RPL28: variants seen among roughly 807,000 people sequenced by gnomAD.
RPL28 encodes ribosomal protein L28.
A neutral mutation model predicts 12.5 loss-of-function variants in RPL28; 4 were observed. The observed-to-expected ratio is 0.32, with a 90% CI of 0.16 to 0.73. The LOEUF (loss-of-function observed/expected upper bound fraction) is 0.73. RPL28 is among the 30% of genes least tolerant of loss of function. The probability of loss-of-function intolerance (pLI) is 0.66; values close to 1 mark genes in which losing one functional copy is unlikely to be tolerated. For missense variants in RPL28, 214 were observed against 197.7 expected (o/e 1.08, Z -0.49); for synonymous variants, 91 against 72.5 (o/e 1.26, Z -1.30).
chr19:55,386,468 C>A, intron 2 of RPL28, 30 bp downstream of exon 2: 1 of 1,610,870 alleles, frequency 6.2e-7, no homozygotes, highest in South Asian at 1.1e-5. Flanking sequence ...GTGGCTCCTG[C>A]GGGAGGAGGG....
rs1455978833 is a variant in RPL28, at chr19:55,391,568, T to C, written c.*3236T>C. ...TCTGTTCACAGGACATGCTGGCATC[T>C]ACTGGGTCAGGGCTCTGCTGCTCGG... is the stretch of plus-strand genomic sequence containing the variant. On this transcript the variant is annotated 3_prime_UTR_variant, in exon 5 of 5. Coordinates refer to ENST00000344063, the MANE Select transcript of RPL28 (RefSeq NM_000991.5). 3 of 1,539,908 alleles carry C rather than the reference T, an allele frequency of 1.9e-6. No homozygotes were observed. The East Asian group carries it at 7.4e-5, about 38-fold the overall frequency.
chr19:55,388,464 T>A lies in RPL28; in HGVS notation c.*132T>A, dbSNP rs2089958204. The A allele has an allele frequency of 7.4e-7, 1 of 1,347,312 alleles. No individual in the cohort carries two copies. The highest frequency in any genetic ancestry group is 9.6e-7 in the Non-Finnish European group (1 of 1,044,242). The allele number at this position is 1,347,312 out of a possible 1,614,324, so 83.5% of individuals were successfully genotyped here. On this transcript the variant is annotated 3_prime_UTR_variant, in exon 5 of 5. Transcript: ENST00000344063. The stretch of plus-strand genomic sequence containing the variant: ...CAGGCCATGTCATCAAAACTCTGCA[T>A]GTCACCTTGTCCATCTGGAGGTGAT...
intron 4 of RPL28, chr19:55,400,128 C>T (rs966946473): frequency 6.6e-6 from 1 of 152,184 alleles, no homozygotes; most frequent in Non-Finnish European, 1.5e-5. Context: ...TCTTTCAGGA[C>T]AAAAGCAGCC....
rs928722638 is a variant in RPL28, at chr19:55,387,180, G to A, written c.205+487G>A. On this transcript the variant is annotated intron_variant, in intron 3 of 4. Transcript: ENST00000344063. Reference sequence around the variant, plus strand: ...CACTCCATACATTGTGCTGTCAGGTGCAGGCCTTTTTGGGGATTCCCTGAA... The same window carrying A: ...CACTCCATACATTGTGCTGTCAGGTACAGGCCTTTTTGGGGATTCCCTGAA... 6.0e-6 allele frequency: 8 copies of A among 1,327,858 alleles called. No homozygotes were observed. In the African/African-American group the frequency reaches 1.2e-4, roughly 19 times the overall value. 82.3% of individuals were successfully genotyped at this position (1,327,858 alleles called of 1,614,324 possible).
intron 3 of RPL28, chr19:55,387,392 G>A: frequency 6.4e-7 from 1 of 1,550,528 alleles, no homozygotes; most frequent in Non-Finnish European, 8.7e-7. Context: ...TCCTGTCTCA[G>A]GGACACGTAG....
downstream of RPL28, among the ~76,000 whole-genome samples, chr19:55,394,820 G>A (rs1201004551): frequency 6.6e-6 from 1 of 152,078 alleles, no homozygotes; most frequent in Non-Finnish European, 1.5e-5. Flanking sequence ...TCCTCCCAAA[G>A]TGCTGGGATT....
chr19:55,388,986 C>T lies in RPL28; in HGVS notation c.*654C>T, dbSNP rs1463446828. Reference sequence around the variant, plus strand: ...CCCCTACTCCCGTCCTCCAGGTGTCCCCATCCCTCCCCTGTCTCTTTGAGC... The same window carrying T: ...CCCCTACTCCCGTCCTCCAGGTGTCTCCATCCCTCCCCTGTCTCTTTGAGC... On this transcript the variant is annotated 3_prime_UTR_variant, in exon 5 of 5. Transcript: ENST00000344063. The T allele has an allele frequency of 1.0e-6, 1 of 985,360 alleles. No individual in the cohort carries two copies. The highest frequency in any genetic ancestry group is 4.7e-5 in the South Asian group (1 of 21,294). 61.0% of individuals were successfully genotyped at this position (985,360 alleles called of 1,614,324 possible). A position where few individuals can be genotyped will look rare whatever the true frequency, so the allele number is the denominator to read the frequency against.
At chr19:55,386,127 CTCAT>C in intron 1 of RPL28, 162 bp downstream of exon 1, 1 of 564,492 alleles carries the variant, frequency 1.8e-6, no homozygotes, top group East Asian at 2.9e-5. Context: ...TCCCCTCACT[CTCAT>C]TCGCCGCAGC....
chr19:55,388,688 A>G lies in RPL28; in HGVS notation c.*356A>G. 4 of 1,070,176 alleles carry G rather than the reference A, an allele frequency of 3.7e-6. No homozygotes were observed. The highest frequency in any genetic ancestry group is 3.4e-6 in the Non-Finnish European group (3 of 885,386). The allele number at this position is 1,070,176 out of a possible 1,614,324, so 66.3% of individuals were successfully genotyped here. On this transcript the variant is annotated 3_prime_UTR_variant, in exon 5 of 5. Transcript: ENST00000344063. ...GGCCTTTTCTAGCCCAGAAGGGTGC[A>G]GGCTGAGGGCTGGGCCCTGGGCCCT...
At chr19:55,387,528 G>T (rs1386662839) in intron 3 of RPL28, 63 of 1,434,878 alleles carry the variant, frequency 4.4e-5, no homozygotes, top group Non-Finnish European at 4.7e-5. Context: ...CCTGAGTGAG[G>T]CTGGGCCTCT....
At chr19:55,398,688 T>C (rs1330896821) in intron 4 of RPL28, among the ~76,000 whole-genome samples, 1 of 152,174 alleles carries the variant, frequency 6.6e-6, no homozygotes, top group Non-Finnish European at 1.5e-5. Flanking sequence ...ATACATTTTG[T>C]TGCGTGTGTT....
Position 55,390,023 on chromosome 19 carries a change from G to A in RPL28, c.*1691G>A. The A allele has an allele frequency of 1.0e-6, 1 of 985,434 alleles. No individual in the cohort carries two copies. 61.0% of individuals were successfully genotyped at this position (985,434 alleles called of 1,614,324 possible). On this transcript the variant is annotated 3_prime_UTR_variant, in exon 5 of 5. Coordinates refer to ENST00000344063, the MANE Select transcript of RPL28 (RefSeq NM_000991.5). Reference sequence around the variant, plus strand: ...CCCTTCTCGTGAGGCCTCTCCCCTGGCACCTGCTTCAGTTGTCCTCCACAG... The same window carrying A: ...CCCTTCTCGTGAGGCCTCTCCCCTGACACCTGCTTCAGTTGTCCTCCACAG...
chr19:55,392,095 A>G (rs907242761), downstream of RPL28: 1 of 998,134 alleles, frequency 1.0e-6, no homozygotes, highest in Non-Finnish European at 1.2e-6. Flanking sequence ...ATCTTTCATT[A>G]TGAAATATGC....
intron 4 of RPL28, 26 bp from the exon 5 acceptor site, chr19:55,388,217 G>T (rs768620902): frequency 6.6e-7 from 1 of 1,518,848 alleles, no homozygotes; most frequent in Non-Finnish European, 8.8e-7. Flanking sequence ...TATGGGCTGA[G>T]CCTTGCTCTG....
Position 55,389,472 on chromosome 19 carries a change from C to T in RPL28, c.*1140C>T, listed in dbSNP as rs2089968767. The T allele has an allele frequency of 1.0e-6, 1 of 985,474 alleles. No homozygotes were observed. Among genetic ancestry groups the T allele is most frequent in the Non-Finnish European group, 1.2e-6 (1 of 829,954 alleles). 61.0% of individuals were successfully genotyped at this position (985,474 alleles called of 1,614,324 possible). A position where few individuals can be genotyped will look rare whatever the true frequency, so the allele number is the denominator to read the frequency against. ...CCAGCATCCATGGCACCCCTGGTTC[C>T]TGCCATCCTGGGGTACCCGATTCAA... On this transcript the variant is annotated 3_prime_UTR_variant, in exon 5 of 5. Coordinates refer to ENST00000344063, the MANE Select transcript of RPL28 (RefSeq NM_000991.5).
chr19:55,389,150 G>GT lies in RPL28; in HGVS notation c.*821dup. The GT allele has an allele frequency of 1.6e-5, 16 of 984,550 alleles. No individual in the cohort carries two copies. The highest frequency in any genetic ancestry group is 1.9e-5 in the Non-Finnish European group (16 of 829,146). The allele number at this position is 984,550 out of a possible 1,614,324, so 61.0% of individuals were successfully genotyped here. The stretch of plus-strand genomic sequence containing the variant: ...TTTATTACAGCTTGTGAGGCCAGGA[G>GT]TTTGAGACCATCCTAGGCAACATAA... On this transcript the variant is annotated 3_prime_UTR_variant, in exon 5 of 5. Coordinates refer to ENST00000344063, the MANE Select transcript of RPL28 (RefSeq NM_000991.5).
At chr19:55,387,592 A>G in intron 3 of RPL28, 2 of 1,406,176 alleles carry the variant, frequency 1.4e-6, no homozygotes, top group East Asian at 5.3e-5. Context: ...GGTTCCTGGG[A>G]AGCTGTTCAT....
Position 55,389,512 on chromosome 19 carries a change from C to G in RPL28, c.*1180C>G, listed in dbSNP as rs1453846227. The G allele has an allele frequency of 4.1e-6, 4 of 985,362 alleles. No homozygotes were observed. In the African/African-American group the frequency reaches 5.2e-5, roughly 13 times the overall value. The allele number at this position is 985,362 out of a possible 1,614,324, so 61.0% of individuals were successfully genotyped here. ...ACCCGATTCAAAGAAGGACTCTGCTCCCTGTCTGAGACCACCCCCGGCTCT... is the reference window on the plus strand; with the variant it reads ...ACCCGATTCAAAGAAGGACTCTGCTGCCTGTCTGAGACCACCCCCGGCTCT... On this transcript the variant is annotated 3_prime_UTR_variant, in exon 5 of 5. Transcript: ENST00000344063.
At chr19:55,386,323 G>C in intron 1 of RPL28, 27 bp from the exon 2 acceptor site, 1 of 1,608,032 alleles carries the variant, frequency 6.2e-7, no homozygotes, top group Non-Finnish European at 8.5e-7. Context: ...TGTGTCTGAC[G>C]CTTTCCCTGT....
Sources: gnomAD v4.1 joint callset for allele counts (sites outside exome capture counted in the v4.1 genomes callset) on GRCh38, gnomAD v4.1.1 for gene constraint, MANE v1.5 for transcripts, NCBI Gene and HGNC (gene_info 2026-07-23, HGNC 2026-07-21) for gene names.